ALAD: variants seen among roughly 807,000 people sequenced by gnomAD.
The protein encoded by ALAD is aminolevulinate dehydratase.
A neutral mutation model predicts 44.4 loss-of-function variants in ALAD; 20 were observed. The observed-to-expected ratio is 0.45, with a 90% CI of 0.32 to 0.65. The LOEUF (loss-of-function observed/expected upper bound fraction) is 0.65. Among genes scored for constraint, ALAD ranks in the 30% least tolerant of loss-of-function variants. The pLI, the probability that ALAD is intolerant of heterozygous loss-of-function variation, is 0.05. For synonymous variants in ALAD, 156 were observed against 167.9 expected (o/e 0.93, Z 0.55); for missense variants, 323 against 445.7 (o/e 0.72, Z 2.48).
chr9:113,386,773 T>C lies in ALAD; in HGVS notation c.*1527A>G, dbSNP rs186812606. 2.7e-4 allele frequency: 41 copies of C among 152,290 alleles called. No individual in the cohort carries two copies. The highest frequency in any genetic ancestry group is 7.9e-4 in the African/African-American group (33 of 41,556). The allele number at this position is 152,290 out of a possible 1,614,324, so 9.4% of individuals were successfully genotyped here. On this transcript the variant is annotated 3_prime_UTR_variant, in exon 12 of 12. Coordinates refer to ENST00000409155, the MANE Select transcript of ALAD (RefSeq NM_000031.6). ...GTGAGTCACATAAGCACTCTAGATA[T>C]AGCTTCCTTATTGCAAAATGTCTCA...
chr9:113,396,069 G>T (rs923042817), intron 1 of ALAD, among the ~76,000 whole-genome samples: 1 of 152,228 alleles, frequency 6.6e-6, no homozygotes, highest in South Asian at 2.1e-4. Context: ...GGTGGCACAT[G>T]CCTGTAATCC....
At position 113,388,000 on chromosome 9, in the gene ALAD, T is replaced by C. The variant is rs1005138105; in HGVS notation, c.*300A>G. On this transcript the variant is annotated 3_prime_UTR_variant, in exon 12 of 12. Transcript: ENST00000409155. ...AGGCCCCAAAGGCTGTGCCCCCGAC[T>C]CCAGGTTGCTTTCAAGCTGAAGCCA... 4.5e-6 allele frequency: 2 copies of C among 445,128 alleles called. No homozygotes were observed. The highest frequency in any genetic ancestry group is 8.4e-6 in the Non-Finnish European group (2 of 238,988). 27.6% of individuals were successfully genotyped at this position (445,128 alleles called of 1,614,324 possible). A position where few individuals can be genotyped will look rare whatever the true frequency, so the allele number is the denominator to read the frequency against.
intron 1 of ALAD, chr9:113,396,147 G>T (rs1029808334): frequency 4.6e-5 from 7 of 152,238 alleles, no homozygotes; most frequent in African/African-American, 1.7e-4. Context: ...AATGAGCCGA[G>T]ATCGTGCCAT....
rs368043911 is a variant in ALAD at position 113,389,734 on chromosome 9, C to G, written c.626+39G>C. 6.8e-6 allele frequency: 11 copies of G among 1,614,166 alleles called. No homozygotes were observed. The African/African-American group carries it at 1.5e-4, about 22-fold the overall frequency. ...TGGGCTCCAGCTTTGGGCCAAAGGGCCAGGGATTCACAGCAGACCCCTGCC... is the reference window on the plus strand; with the variant it reads ...TGGGCTCCAGCTTTGGGCCAAAGGGGCAGGGATTCACAGCAGACCCCTGCC... On this transcript the variant is annotated intron_variant, in intron 8 of 11. Coordinates refer to ENST00000409155, the MANE Select transcript of ALAD (RefSeq NM_000031.6).
At position 113,388,369 on chromosome 9, in the gene ALAD, G is replaced by A. The variant is rs767016856; in HGVS notation, c.932-8C>T. ...TGATGATGATGTCAGCACCTGTGTT[G>A]GGAGAGATGCAGAAAGTTGCTGGGG... On this transcript the variant is annotated splice_region_variant and splice_polypyrimidine_tract_variant and intron_variant, in intron 11 of 11. Transcript: ENST00000409155. 2.5e-6 allele frequency: 4 copies of A among 1,613,864 alleles called. No individual in the cohort carries two copies. The highest frequency in any genetic ancestry group is 2.2e-5 in the South Asian group (2 of 91,068).
intron 10 of ALAD, 66 bp downstream of exon 10, chr9:113,389,372 T>C: frequency 6.3e-7 from 1 of 1,578,126 alleles, no homozygotes; most frequent in Non-Finnish European, 8.7e-7. Flanking sequence ...AACTCTGAGA[T>C]TCCAGAGTCT....
In ALAD at chr9:113,388,067, G is replaced by A. The variant is rs575045336; in HGVS notation, c.*233C>T. ...TGAGGGTGGCAAAGGTGGGCCTCAC[G>A]GCTGACCCAGGGGAGGGGCGGGGAA... On this transcript the variant is annotated 3_prime_UTR_variant, in exon 12 of 12. Coordinates refer to ENST00000409155, the MANE Select transcript of ALAD (RefSeq NM_000031.6). 1.4e-5 allele frequency: 8 copies of A among 580,918 alleles called. No individual in the cohort carries two copies. Among genetic ancestry groups the A allele is most frequent in the African/African-American group, 7.4e-5 (4 of 54,060 alleles). The allele number at this position is 580,918 out of a possible 1,614,324, so 36.0% of individuals were successfully genotyped here. A position where few individuals can be genotyped will look rare whatever the true frequency, so the allele number is the denominator to read the frequency against.
In ALAD at chr9:113,386,393, A is replaced by G. The variant is rs2118971676; in HGVS notation, c.*1907T>C. 6.6e-6 allele frequency: 1 copy of G among 152,310 alleles called. No individual in the cohort carries two copies. Among genetic ancestry groups the G allele is most frequent in the Non-Finnish European group, 1.5e-5 (1 of 68,036 alleles). The allele number at this position is 152,310 out of a possible 1,614,324, so 9.4% of individuals were successfully genotyped here. On this transcript the variant is annotated 3_prime_UTR_variant, in exon 12 of 12. Coordinates refer to ENST00000409155, the MANE Select transcript of ALAD (RefSeq NM_000031.6). Reference sequence around the variant, plus strand: ...GATTTTGTGTTGGATAGTTTTGCCCACTGTAGGCTAATGTAAGTGTTCTGA... The same window carrying G: ...GATTTTGTGTTGGATAGTTTTGCCCGCTGTAGGCTAATGTAAGTGTTCTGA...
intron 2 of ALAD, chr9:113,392,490 G>C: frequency 2.3e-6 from 1 of 441,600 alleles, no homozygotes; most frequent in Non-Finnish European, 3.8e-6. Flanking sequence ...CTGCCTGGGT[G>C]ACCGTGGCCA....
chr9:113,398,099 T>G (rs1827778479), intron 1 of ALAD: 1 of 152,274 alleles, frequency 6.6e-6, no homozygotes, highest in Non-Finnish European at 1.5e-5. Context: ...GGCGTCTCTC[T>G]GCCCATACTG....
In ALAD at chr9:113,390,504, G is replaced by A. The variant is rs1234958476; in HGVS notation, c.482-11C>T. 1.2e-6 allele frequency: 2 copies of A among 1,614,062 alleles called. No individual in the cohort carries two copies. The highest frequency in any genetic ancestry group is 1.7e-6 in the Non-Finnish European group (2 of 1,180,020). ...CTACCACCTGACATCCTGGGGGGCA[G>A]AGGGTGGCCTTCAGAACTCTGGGGC... On this transcript the variant is annotated splice_polypyrimidine_tract_variant and intron_variant, in intron 6 of 11. Coordinates refer to ENST00000409155, the MANE Select transcript of ALAD (RefSeq NM_000031.6).
chr9:113,399,034 G>C (rs977193755), intron 1 of ALAD, among the ~76,000 whole-genome samples: 5 of 152,206 alleles, frequency 3.3e-5, no homozygotes, highest in Admixed American at 6.5e-5. Context: ...GAGCCGCCAG[G>C]AGGTCCAGCA....
chr9:113,391,259 C>T (rs1326268111), intron 4 of ALAD, among the ~76,000 whole-genome samples: 1 of 152,074 alleles, frequency 6.6e-6, no homozygotes, highest in Non-Finnish European at 1.5e-5. Flanking sequence ...CTAGAGTGCA[C>T]TGGCGCGATT....
chr9:113,395,959 C>T (rs1207461071), intron 1 of ALAD, among the ~76,000 whole-genome samples: 3 of 151,744 alleles, frequency 2.0e-5, no homozygotes, highest in Admixed American at 6.6e-5. Context: ...TTTGGGAGGC[C>T]GAGGTGGGTG....
intron 1 of ALAD, among the ~76,000 whole-genome samples, chr9:113,399,327 G>C (rs1827804247): frequency 6.6e-6 from 1 of 152,180 alleles, no homozygotes; most frequent in Non-Finnish European, 1.5e-5. Flanking sequence ...ATTACTATTA[G>C]GAGTGGGGCT....
At chr9:113,393,304 C>T in intron 2 of ALAD, 143 bp downstream of exon 2, 2 of 737,954 alleles carry the variant, frequency 2.7e-6, no homozygotes, top group Non-Finnish European at 4.8e-6. Context: ...ATCCAAGTAG[C>T]CTGCTTCCAG....
At position 113,389,361 on chromosome 9, in the gene ALAD, C is replaced by G. The variant is rs575981728; in HGVS notation, c.801+77G>C. The G allele has an allele frequency of 2.6e-6, 4 of 1,555,666 alleles. No individual in the cohort carries two copies. The Admixed American group carries it at 6.7e-5, about 26-fold the overall frequency. On this transcript the variant is annotated intron_variant, in intron 10 of 11. Transcript: ENST00000409155. ...TGCATGCTTAAGGGCAAACTGCTTC[C>G]AACTCTGAGATTCCAGAGTCTGTGG... is the stretch of plus-strand genomic sequence containing the variant.
chr9:113,393,290 C>G, intron 2 of ALAD, 157 bp downstream of exon 2: 1 of 691,970 alleles, frequency 1.4e-6, no homozygotes, highest in Non-Finnish European at 2.6e-6. Context: ...GATTCCTGTC[C>G]TTAATCCAAG....
intron 3 of ALAD, 67 bp downstream of exon 3, chr9:113,392,052 C>T: frequency 2.1e-6 from 3 of 1,443,160 alleles, no homozygotes; most frequent in Non-Finnish European, 2.9e-6. Context: ...CTTCTGCCTC[C>T]CAGCACTTCC....
Sources: allele counts gnomAD v4.1 joint callset (sites outside exome capture counted in the v4.1 genomes callset), GRCh38; gene constraint gnomAD v4.1.1; transcripts MANE v1.5; gene names NCBI Gene and HGNC (gene_info 2026-07-23, HGNC 2026-07-21).